The following MACROD2 variants were observed in gnomAD, a reference collection of about 807,000 sequenced individuals.
MACROD2 encodes the protein mono-ADP ribosylhydrolase 2.
In MACROD2, 36 loss-of-function variants were observed where a neutral mutation model predicts 70.4. The ratio of observed to expected loss-of-function variants is 0.51; its 90% confidence interval spans 0.39 to 0.68. The LOEUF is 0.68. Ranked by LOEUF, MACROD2 falls within the 30% of genes least tolerant of loss-of-function variation. The pLI is 0.00. For missense variants in MACROD2, 496 were observed against 538.4 expected, an observed-to-expected ratio of 0.92 and a Z score of 0.78; for synonymous variants, 172 against 178.8, an observed-to-expected ratio of 0.96 and a Z score of 0.30.
At chr20:15,624,698 C>T (rs1434485264) in intron 8 of MACROD2, among the ~76,000 whole-genome samples, 4 of 152,132 alleles carry the variant, frequency 2.6e-5, no homozygotes, top group East Asian at 3.9e-4. Flanking sequence ...TGAGTTGTTA[C>T]GGTGGAAACA....
At chr20:15,909,514 ATTTTTT>A (rs10617621) in intron 10 of MACROD2, among the ~76,000 whole-genome samples, 1 of 70,812 alleles carries the variant, frequency 1.4e-5, no homozygotes, top group African/African-American at 5.9e-5. Flanking sequence ...ACATAATACA[ATTTTTT>A]TTTTTTTTTT....
chr20:15,238,646 G>A (rs983578216), intron 6 of MACROD2, among the ~76,000 whole-genome samples: 1 of 152,060 alleles, frequency 6.6e-6, no homozygotes, highest in Non-Finnish European at 1.5e-5. Flanking sequence ...CTTTTTGTAA[G>A]AGTGTCTGAA....
intron 8 of MACROD2, among the ~76,000 whole-genome samples, chr20:15,576,112 A>T (rs1042568899): frequency 2.6e-5 from 4 of 151,926 alleles, no homozygotes; most frequent in African/African-American, 9.7e-5. Flanking sequence ...TATTTTTTTT[A>T]ATTTGTATGC....
chr20:14,535,708 G>A (rs2085356089), intron 4 of MACROD2, among the ~76,000 whole-genome samples: 1 of 151,964 alleles, frequency 6.6e-6, no homozygotes, highest in South Asian at 2.1e-4. Flanking sequence ...TAGCTGCTGT[G>A]ATTTTACCAG....
At chr20:15,172,607 A>G (rs1317400655) in intron 5 of MACROD2, among the ~76,000 whole-genome samples, 1 of 151,972 alleles carries the variant, frequency 6.6e-6, no homozygotes, top group East Asian at 1.9e-4. Flanking sequence ...ATGGGATCTC[A>G]CTATATTTCC....
At chr20:15,455,600 C>A (rs1482242431) in intron 7 of MACROD2, among the ~76,000 whole-genome samples, 2 of 152,110 alleles carry the variant, frequency 1.3e-5, no homozygotes, top group African/African-American at 2.4e-5. Flanking sequence ...AAATATTCTG[C>A]TTGTGAAATA....
intron 7 of MACROD2, among the ~76,000 whole-genome samples, chr20:15,435,085 G>T (rs1176074899): frequency 6.6e-6 from 1 of 152,054 alleles, no homozygotes; most frequent in Admixed American, 6.6e-5. Context: ...CACTGCTTGG[G>T]TGACAGGTAC....
At chr20:15,317,523 A>ATCTGTCTG (rs1555804056) in intron 6 of MACROD2, among the ~76,000 whole-genome samples, 2,023 of 149,362 alleles carry the variant, frequency 0.014, 44 homozygotes, top group African/African-American at 0.046. Context: ...CTATCTATCT[A>ATCTGTCTG]TCTGTCTATC....
intron 6 of MACROD2, among the ~76,000 whole-genome samples, chr20:15,244,617 G>A (rs2077089734): frequency 6.6e-6 from 1 of 152,120 alleles, no homozygotes; most frequent in Non-Finnish European, 1.5e-5. Context: ...CATTCCAGAA[G>A]GTATGGTTTG....
In MACROD2 at chr20:15,974,492, A is replaced by G. The variant is rs991444080; in HGVS notation, c.985+6862A>G. 2.6e-5 allele frequency among the ~76,000 whole-genome samples: 4 copies of G among 152,146 alleles called. No individual in the cohort carries two copies. The East Asian group carries it at 7.7e-4, about 29-fold the overall frequency. ...GCAAAACCATGGACACAATGAAAAG[A>G]TCAGTGGTGGCCAGGAGTTGTGGGG... On this transcript the variant is annotated intron_variant, in intron 13 of 17. Transcript: ENST00000684519.
At chr20:14,618,922 T>G (rs568148006) in intron 4 of MACROD2, among the ~76,000 whole-genome samples, 2 of 152,270 alleles carry the variant, frequency 1.3e-5, no homozygotes, top group East Asian at 3.9e-4. Context: ...TTCAAATCCT[T>G]AGAACCTTAG....
intron 8 of MACROD2, among the ~76,000 whole-genome samples, chr20:15,581,664 C>G (rs1264984975): frequency 6.6e-6 from 1 of 152,120 alleles, no homozygotes; most frequent in African/African-American, 2.4e-5. Flanking sequence ...CCCTGAGGAG[C>G]TGAAACTCTG....
chr20:14,550,664 A>T (rs1978593276), intron 4 of MACROD2, among the ~76,000 whole-genome samples: 1 of 152,196 alleles, frequency 6.6e-6, no homozygotes, highest in African/African-American at 2.4e-5. Flanking sequence ...CCTGTCTCCT[A>T]TTTGGAAAGA....
rs531452507 is a variant in MACROD2, at chr20:14,532,241, T to C, written c.301+38733T>C. On this transcript the variant is annotated intron_variant, in intron 4 of 17. Coordinates refer to ENST00000684519, the MANE Select transcript of MACROD2 (RefSeq NM_001351661.2). ...ATCTTTTTTTTTTTTTTTTTTGAGA[T>C]GGAGTCTTGCTCTGTCACCCAGGCT... Among the ~76,000 whole-genome samples the C allele has an allele frequency of 1.7e-3, 256 of 146,736 alleles. 6 individuals carry two copies. The East Asian group carries it at 0.035, about 20-fold the overall frequency.
chr20:15,916,435 G>A (rs2065316965), intron 10 of MACROD2, among the ~76,000 whole-genome samples: 1 of 152,194 alleles, frequency 6.6e-6, no homozygotes. Flanking sequence ...TTAGAACTGA[G>A]TCCCTAAACC....
At chr20:15,711,614 G>A (rs544461573) in intron 8 of MACROD2, among the ~76,000 whole-genome samples, 7 of 152,302 alleles carry the variant, frequency 4.6e-5, no homozygotes, top group South Asian at 2.1e-4. Flanking sequence ...GGGAAATGGC[G>A]TGTGTTTTCC....
At chr20:14,194,520 AAAAAC>A (rs2081414387) in intron 3 of MACROD2, among the ~76,000 whole-genome samples, 1 of 152,208 alleles carries the variant, frequency 6.6e-6, no homozygotes, top group Non-Finnish European at 1.5e-5. Context: ...GCGAGGGGTC[AAAAAC>A]AACCCAGGAT....
intron 7 of MACROD2, among the ~76,000 whole-genome samples, chr20:15,459,510 C>A (rs2046779554): frequency 6.6e-6 from 1 of 152,156 alleles, no homozygotes; most frequent in Non-Finnish European, 1.5e-5. Context: ...AAGCTAAATG[C>A]TCTCCATCCT....
At position 15,972,987 on chromosome 20, in the gene MACROD2, C is replaced by T. The variant is rs183594004; in HGVS notation, c.985+5357C>T. On this transcript the variant is annotated intron_variant, in intron 13 of 17. Transcript: ENST00000684519. ...GTTCAAAAAGCAGGAAAAAAATTAA[C>T]ATTTAGAAAGGCTTGTTTAGGTGAT... Among the ~76,000 whole-genome samples, 6 of 151,882 alleles carry T rather than the reference C, an allele frequency of 4.0e-5. No individual in the cohort carries two copies. The East Asian group carries it at 1.2e-3, about 29-fold the overall frequency.
Sources: gnomAD v4.1 joint callset for allele counts (sites outside exome capture counted in the v4.1 genomes callset) on GRCh38, gnomAD v4.1.1 for gene constraint, MANE v1.5 for transcripts, NCBI Gene and HGNC (gene_info 2026-07-23, HGNC 2026-07-21) for gene names.